ALDH18A1: variants seen among roughly 807,000 people sequenced by gnomAD.
The protein encoded by ALDH18A1 is aldehyde dehydrogenase 18 family member A1.
ALDH18A1 carries 44 observed loss-of-function variants against 88.8 expected under a neutral mutation model. That is an observed-to-expected ratio of 0.50 (90% CI 0.39 to 0.64). The LOEUF (loss-of-function observed/expected upper bound fraction) is 0.64, where lower values mean the gene tolerates loss of function less well. Ranked by LOEUF, ALDH18A1 falls within the 30% of genes least tolerant of loss-of-function variation. The pLI is 0.00. For missense variants in ALDH18A1, 782 were observed against 1,009.5 expected, an observed-to-expected ratio of 0.77 and a Z score of 3.05; for synonymous variants, 331 against 372.1, an observed-to-expected ratio of 0.89 and a Z score of 1.27.
chr10:95,624,773 G>A (rs1438860083), intron 11 of ALDH18A1, among the ~76,000 whole-genome samples: 1 of 152,166 alleles, frequency 6.6e-6, no homozygotes, highest in Admixed American at 6.5e-5. Context: ...CAAAAGACTG[G>A]TTAATTAACT....
At chr10:95,645,664 T>G (rs2097900095) in intron 2 of ALDH18A1, among the ~76,000 whole-genome samples, 1 of 152,174 alleles carries the variant, frequency 6.6e-6, no homozygotes, top group Non-Finnish European at 1.5e-5. Flanking sequence ...GTTTCAGGTT[T>G]GTGGAGATAT....
At chr10:95,627,310 C>T in intron 9 of ALDH18A1, 132 bp downstream of exon 9, 2 of 1,249,570 alleles carry the variant, frequency 1.6e-6, no homozygotes, top group South Asian at 1.3e-5. Context: ...AAAGCAAAAT[C>T]CGATTTTGCA....
intron 11 of ALDH18A1, among the ~76,000 whole-genome samples, chr10:95,622,903 G>A (rs1011137758): frequency 2.0e-5 from 3 of 151,874 alleles, no homozygotes; most frequent in African/African-American, 4.8e-5. Flanking sequence ...AAACATGTAC[G>A]TACATCTTCA....
At chr10:95,649,965 T>C (rs935027832) in intron 2 of ALDH18A1, among the ~76,000 whole-genome samples, 5 of 151,370 alleles carry the variant, frequency 3.3e-5, no homozygotes, top group Non-Finnish European at 7.4e-5. Flanking sequence ...GAGGCTGACA[T>C]AGGAGGATCA....
At chr10:95,634,514 T>G (rs34332904) in intron 5 of ALDH18A1, among the ~76,000 whole-genome samples, 13,083 of 152,324 alleles carry the variant, frequency 0.086, 689 homozygotes, top group Middle Eastern at 0.16. Flanking sequence ...GGAATAGGGC[T>G]GTGTTGTCAC....
At chr10:95,643,526 T>C (rs1330391051) in intron 2 of ALDH18A1, among the ~76,000 whole-genome samples, 3 of 152,212 alleles carry the variant, frequency 2.0e-5, no homozygotes, top group Non-Finnish European at 4.4e-5. Flanking sequence ...AAAAGAGATT[T>C]ATCAGAAAGC....
rs538946052 is a variant in ALDH18A1 at position 95,648,255 on chromosome 10, T to C, written c.88+5035A>G. On this transcript the variant is annotated intron_variant, in intron 2 of 17. Transcript: ENST00000371224. Reference sequence around the variant, plus strand: ...CGTACATTTGGTCACAGAAGTCTTCTGTGTTGATTGTTGTTATGGAGTGAG... The same window carrying C: ...CGTACATTTGGTCACAGAAGTCTTCCGTGTTGATTGTTGTTATGGAGTGAG... Among the ~76,000 whole-genome samples the C allele has an allele frequency of 1.1e-4, 16 of 152,322 alleles. No individual in the cohort carries two copies. In the East Asian group the frequency reaches 3.1e-3, roughly 29 times the overall value.
intron 12 of ALDH18A1, chr10:95,616,834 C>T (rs951473741): frequency 1.1e-5 from 7 of 628,994 alleles, no homozygotes; most frequent in East Asian, 2.9e-5. Flanking sequence ...GATGACTCCC[C>T]GAAGTCACAC....
chr10:95,615,501 G>A (rs1309102275), intron 13 of ALDH18A1, among the ~76,000 whole-genome samples: 2 of 152,148 alleles, frequency 1.3e-5, no homozygotes, highest in Non-Finnish European at 2.9e-5. Flanking sequence ...ATGTGTGTGT[G>A]TGAACAGTCG....
At chr10:95,652,209 G>A (rs950268702) in intron 2 of ALDH18A1, among the ~76,000 whole-genome samples, 1 of 152,182 alleles carries the variant, frequency 6.6e-6, no homozygotes, top group Non-Finnish European at 1.5e-5. Flanking sequence ...GTTGGCCAGG[G>A]GTTAGTAATA....
rs2097822458 is a variant in ALDH18A1, at chr10:95,606,254, T to C, written c.*508A>G. ...AAAAGGTCAATCTTCCCAGTGGAAA[T>C]GATTCCATCGATTTTTGTGACTTTC... On this transcript the variant is annotated 3_prime_UTR_variant, in exon 18 of 18. Transcript: ENST00000371224. 1 of 998,162 alleles carries C rather than the reference T, an allele frequency of 1.0e-6. No homozygotes were observed. Among genetic ancestry groups the C allele is most frequent in the Non-Finnish European group, 1.2e-6 (1 of 837,024 alleles). The allele number at this position is 998,162 out of a possible 1,614,324, so 61.8% of individuals were successfully genotyped here.
intron 3 of ALDH18A1, among the ~76,000 whole-genome samples, chr10:95,638,769 T>C (rs2097885874): frequency 6.6e-6 from 1 of 152,164 alleles, no homozygotes; most frequent in African/African-American, 2.4e-5. Context: ...CAAGATGTAA[T>C]AAAGTCAATA....
chr10:95,615,488 T>C (rs1196327784), intron 13 of ALDH18A1, among the ~76,000 whole-genome samples: 1 of 152,192 alleles, frequency 6.6e-6, no homozygotes, highest in East Asian at 1.9e-4. Flanking sequence ...CTGGTGGTTA[T>C]ACATGTGTGT....
In ALDH18A1 at chr10:95,610,465, C is replaced by T. The variant is rs187285529; in HGVS notation, c.2111-173G>A. Among the ~76,000 whole-genome samples the T allele has an allele frequency of 1.4e-3, 215 of 152,318 alleles. 2 individuals carry two copies. The highest frequency in any genetic ancestry group is 4.9e-3 in the African/African-American group (202 of 41,572). On this transcript the variant is annotated intron_variant, in intron 16 of 17. Coordinates refer to ENST00000371224, the MANE Select transcript of ALDH18A1 (RefSeq NM_002860.4). Reference sequence around the variant, plus strand: ...ATGAAAAATCTCAACAGGAAGAAGACAAGTTAGCTTCATCAATCACGGTGT... The same window carrying T: ...ATGAAAAATCTCAACAGGAAGAAGATAAGTTAGCTTCATCAATCACGGTGT...
chr10:95,643,302 C>T, intron 2 of ALDH18A1, 96 bp from the exon 3 acceptor site: 1 of 1,158,302 alleles, frequency 8.6e-7, no homozygotes, highest in Non-Finnish European at 1.3e-6. Context: ...GTTTAGATAC[C>T]AAAAAATAGC....
rs375782465 is a variant in ALDH18A1, at chr10:95,611,243, T to C, written c.2110+13A>G. 59 of 1,613,434 alleles carry C rather than the reference T, an allele frequency of 3.7e-5. 1 individual carries two copies. In the East Asian group the frequency reaches 3.8e-4, roughly 10 times the overall value. The stretch of plus-strand genomic sequence containing the variant: ...AGGCAGACACTGTATGCGGGAAGCA[T>C]CTGGACACTGACCGTCCTCTGTGAC... On this transcript the variant is annotated intron_variant, in intron 16 of 17. Coordinates refer to ENST00000371224, the MANE Select transcript of ALDH18A1 (RefSeq NM_002860.4).
chr10:95,627,669 C>G (rs1481571990), intron 8 of ALDH18A1, 83 bp from the exon 9 acceptor site: 10 of 1,524,456 alleles, frequency 6.6e-6, no homozygotes, highest in Non-Finnish European at 9.1e-6. Flanking sequence ...ATATAAAATA[C>G]AAGTTGATAT....
At chr10:95,621,851 C>T (rs768398075) in intron 11 of ALDH18A1, among the ~76,000 whole-genome samples, 6 of 152,026 alleles carry the variant, frequency 3.9e-5, no homozygotes, top group African/African-American at 7.2e-5. Flanking sequence ...TTTTGTAATG[C>T]TGAGAAATTG....
At chr10:95,629,915 A>G (rs1179774923) in intron 7 of ALDH18A1, among the ~76,000 whole-genome samples, 1 of 150,976 alleles carries the variant, frequency 6.6e-6, no homozygotes, top group East Asian at 2.0e-4. Flanking sequence ...GGTTTTATAA[A>G]TTAATCTCAA....
Sources: allele counts gnomAD v4.1 joint callset (sites outside exome capture counted in the v4.1 genomes callset), GRCh38; gene constraint gnomAD v4.1.1; transcripts MANE v1.5; gene names NCBI Gene and HGNC (gene_info 2026-07-23, HGNC 2026-07-21).